The following CARMIL1 variants were observed in gnomAD, a reference collection of about 807,000 sequenced individuals.
CARMIL1 encodes the protein F-actin-uncapping protein LRRC16A.
A neutral mutation model predicts 177.1 loss-of-function variants in CARMIL1; 90 were observed. The observed-to-expected ratio is 0.51, with a 90% CI of 0.43 to 0.61. CARMIL1 has a LOEUF of 0.61. Ranked by LOEUF, CARMIL1 falls within the 20% of genes least tolerant of loss-of-function variation. CARMIL1 has a pLI of 0.00. For synonymous variants in CARMIL1, 577 were observed against 606.2 expected (o/e 0.95, Z 0.71); for missense variants, 1,380 against 1,667.0 (o/e 0.83, Z 3.00).
intron 2 of CARMIL1, among the ~76,000 whole-genome samples, chr6:25,336,990 AAGAC>A (rs1340581726): frequency 6.6e-6 from 1 of 152,240 alleles, no homozygotes; most frequent in Non-Finnish European, 1.5e-5. Context: ...GCCCTTTAAA[AAGAC>A]AGCGTATCAA....
chr6:25,433,455 A>C (rs1449115006), intron 4 of CARMIL1, among the ~76,000 whole-genome samples: 1 of 152,202 alleles, frequency 6.6e-6, no homozygotes, highest in East Asian at 1.9e-4. Flanking sequence ...AAACATGCAT[A>C]TGCACAGATA....
chr6:25,453,690 G>A (rs11966296), intron 8 of CARMIL1, among the ~76,000 whole-genome samples: 1,869 of 152,254 alleles, frequency 0.012, 48 homozygotes, highest in African/African-American at 0.043. Flanking sequence ...CCCCACCATT[G>A]CTTTTGCACC....
chr6:25,575,697 A>G (rs1324458960), intron 29 of CARMIL1, among the ~76,000 whole-genome samples: 2 of 152,200 alleles, frequency 1.3e-5, no homozygotes, highest in African/African-American at 2.4e-5. Flanking sequence ...AATGAGTTAT[A>G]TTTGAAGTAA....
intron 2 of CARMIL1, among the ~76,000 whole-genome samples, chr6:25,348,801 T>A (rs1163717548): frequency 6.6e-6 from 1 of 151,780 alleles, no homozygotes; most frequent in African/African-American, 2.4e-5. Flanking sequence ...AAAATAAAAA[T>A]AAAAAAATGA....
chr6:25,574,884 C>T (rs1339120102), intron 29 of CARMIL1, among the ~76,000 whole-genome samples: 1 of 151,948 alleles, frequency 6.6e-6, no homozygotes, highest in Non-Finnish European at 1.5e-5. Flanking sequence ...TTATTAATGG[C>T]CCCCCTCCTT....
chr6:25,494,326 A>T (rs1189855284), intron 15 of CARMIL1, among the ~76,000 whole-genome samples: 1 of 152,124 alleles, frequency 6.6e-6, no homozygotes, highest in African/African-American at 2.4e-5. Context: ...CTTTACATAT[A>T]CTGACTTATT....
chr6:25,533,302 A>G (rs1358215072), intron 24 of CARMIL1, among the ~76,000 whole-genome samples: 1 of 152,146 alleles, frequency 6.6e-6, no homozygotes, highest in Non-Finnish European at 1.5e-5. Flanking sequence ...GCAGAATATT[A>G]TGGTTAAGAA....
chr6:25,442,203 A>C (rs1253185433), intron 5 of CARMIL1, among the ~76,000 whole-genome samples: 1 of 150,936 alleles, frequency 6.6e-6, no homozygotes, highest in African/African-American at 2.4e-5. Flanking sequence ...TTTTTGTGTC[A>C]ATAGTTTATC....
At chr6:25,287,482 TATA>T (rs1781606408) in intron 2 of CARMIL1, 1 of 152,862 alleles carries the variant, frequency 6.5e-6, no homozygotes, top group African/African-American at 2.4e-5. Flanking sequence ...CAAAGAAATC[TATA>T]ATGAGTTGTG....
chr6:25,397,298 G>T (rs915981423), intron 2 of CARMIL1, among the ~76,000 whole-genome samples: 1 of 152,172 alleles, frequency 6.6e-6, no homozygotes, highest in African/African-American at 2.4e-5. Flanking sequence ...GGAAGTGCTG[G>T]TGTCTGCCAA....
At chr6:25,447,864 C>T (rs980027515) in intron 5 of CARMIL1, among the ~76,000 whole-genome samples, 18 of 152,100 alleles carry the variant, frequency 1.2e-4, no homozygotes, top group African/African-American at 3.9e-4. Flanking sequence ...TTCTTAACTG[C>T]TCAGCCCACA....
intron 29 of CARMIL1, chr6:25,563,603 A>C: frequency 1.0e-6 from 1 of 985,442 alleles, no homozygotes; most frequent in East Asian, 1.1e-4. Context: ...CTATCAGAAG[A>C]TCCCTTAAGC....
chr6:25,478,492 A>G (rs1423375958), intron 11 of CARMIL1, among the ~76,000 whole-genome samples: 4 of 152,194 alleles, frequency 2.6e-5, no homozygotes, highest in African/African-American at 4.8e-5. Context: ...AGGTAAAGCA[A>G]TATTTTAAAA....
At chr6:25,431,704 A>G (rs1298041440) in intron 4 of CARMIL1, among the ~76,000 whole-genome samples, 2 of 151,900 alleles carry the variant, frequency 1.3e-5, no homozygotes, top group African/African-American at 4.8e-5. Flanking sequence ...CAGCAAGACT[A>G]ATTTTCCCAT....
chr6:25,518,770 G>A (rs1423292872), intron 22 of CARMIL1, among the ~76,000 whole-genome samples: 3 of 152,140 alleles, frequency 2.0e-5, no homozygotes, highest in Non-Finnish European at 4.4e-5. Context: ...GATCACAGTC[G>A]ATTATATATG....
At chr6:25,301,652 C>T (rs538765337) in intron 2 of CARMIL1, among the ~76,000 whole-genome samples, 2 of 152,144 alleles carry the variant, frequency 1.3e-5, no homozygotes, top group African/African-American at 4.8e-5. Context: ...CATGCTGCTT[C>T]GTTGAAGCAG....
intron 11 of CARMIL1, among the ~76,000 whole-genome samples, chr6:25,478,779 G>C (rs1159561416): frequency 6.6e-6 from 1 of 151,030 alleles, no homozygotes; most frequent in Non-Finnish European, 1.5e-5. Context: ...CTGGGTGACA[G>C]AGTGGGACTC....
At chr6:25,567,900 G>C (rs1275872977) in intron 29 of CARMIL1, among the ~76,000 whole-genome samples, 1 of 152,226 alleles carries the variant, frequency 6.6e-6, no homozygotes, top group African/African-American at 2.4e-5. Context: ...TTCAGAGAGT[G>C]AAATGGGCCT....
rs73396179 is a variant in CARMIL1 at position 25,336,007 on chromosome 6, G to A, written c.138+51098G>A. Among the ~76,000 whole-genome samples the A allele has an allele frequency of 9.0e-3, 1,360 of 150,378 alleles. 15 individuals carry two copies. The highest frequency in any genetic ancestry group is 0.031 in the African/African-American group (1,271 of 41,366). Reference sequence around the variant, plus strand: ...TGCTGGCCCAATGAAATAGTCTCTCGGCCATTTGACTACTTCAGTTTAGGC... The same window carrying A: ...TGCTGGCCCAATGAAATAGTCTCTCAGCCATTTGACTACTTCAGTTTAGGC... On this transcript the variant is annotated intron_variant, in intron 2 of 36. Transcript: ENST00000329474.
Sources: allele counts gnomAD v4.1 joint callset (sites outside exome capture counted in the v4.1 genomes callset), GRCh38; gene constraint gnomAD v4.1.1; transcripts MANE v1.5; gene names NCBI Gene and HGNC (gene_info 2026-07-23, HGNC 2026-07-21).